Variants in LAMA1 observed in about 807,000 individuals in gnomAD.
LAMA1 encodes the protein laminin subunit alpha-1.
In LAMA1, 219 loss-of-function variants were observed where a neutral mutation model predicts 348.7. The observed-to-expected ratio is 0.63, with a 90% CI of 0.56 to 0.70. The LOEUF (loss-of-function observed/expected upper bound fraction) is 0.70. LAMA1 is among the 30% of genes least tolerant of loss of function. LAMA1 has a pLI of 0.00. For missense variants in LAMA1, 3,744 were observed against 3,888.0 expected (o/e 0.96, Z 0.99); for synonymous variants, 1,487 against 1,491.0 (o/e 1.00, Z 0.06).
chr18:7,093,485 C>G (rs2058248133), intron 1 of LAMA1, among the ~76,000 whole-genome samples: 1 of 151,978 alleles, frequency 6.6e-6, no homozygotes, highest in Non-Finnish European at 1.5e-5. Context: ...AAAATAAAAC[C>G]AGAGTAAGTT....
chr18:6,951,408 C>T (rs529961586), intron 57 of LAMA1, among the ~76,000 whole-genome samples: 67 of 152,308 alleles, frequency 4.4e-4, no homozygotes, highest in Non-Finnish European at 8.4e-4. Context: ...CACCTGAGGC[C>T]GTGGGGGAAC....
chr18:7,098,655 G>A (rs1359139180), intron 1 of LAMA1, among the ~76,000 whole-genome samples: 2 of 149,600 alleles, frequency 1.3e-5, no homozygotes, highest in Non-Finnish European at 3.0e-5. Flanking sequence ...CCGACCGGCA[G>A]CCACCCAGTC....
At chr18:7,063,552 T>G (rs1598302439) in intron 3 of LAMA1, among the ~76,000 whole-genome samples, 1 of 152,090 alleles carries the variant, frequency 6.6e-6, no homozygotes, top group African/African-American at 2.4e-5. Context: ...TGTACACCAA[T>G]GTTCACAGCA....
chr18:7,082,570 A>C (rs2058197361), intron 1 of LAMA1, among the ~76,000 whole-genome samples: 1 of 152,246 alleles, frequency 6.6e-6, no homozygotes, highest in South Asian at 2.1e-4. Flanking sequence ...TATTCTATTT[A>C]GTACTAAGAT....
In LAMA1 at chr18:7,078,328, A is replaced by G. The variant is rs544543416; in HGVS notation, c.345+1647T>C. ...ACTACAGGCGCCTGCCACCACGCCC[A>G]GCTAATTTTTTGTATTTTTAGTAAA... On this transcript the variant is annotated intron_variant, in intron 3 of 62. Transcript: ENST00000389658. Among the ~76,000 whole-genome samples the G allele has an allele frequency of 6.0e-5, 9 of 150,568 alleles. No homozygotes were observed. In the East Asian group the frequency reaches 1.0e-3, roughly 17 times the overall value.
chr18:6,948,289 T>C (rs1454633406), intron 60 of LAMA1, 114 bp downstream of exon 60: 38 of 1,373,118 alleles, frequency 2.8e-5, no homozygotes, highest in Non-Finnish European at 3.6e-5. Flanking sequence ...CTAAACTCAA[T>C]GTGGTTTTCC....
At chr18:7,005,278 AG>A (rs1478967221) in intron 29 of LAMA1, among the ~76,000 whole-genome samples, 1 of 152,232 alleles carries the variant, frequency 6.6e-6, no homozygotes, top group African/African-American at 2.4e-5. Context: ...TTATCTCAAC[AG>A]CTCCAAAGAA....
chr18:6,986,551 T>C (rs2057736394), intron 36 of LAMA1, among the ~76,000 whole-genome samples: 1 of 44,716 alleles, frequency 2.2e-5, no homozygotes, highest in Non-Finnish European at 4.0e-5. Context: ...CTTAACAAAT[T>C]GTCTTTTTTT....
intron 1 of LAMA1, among the ~76,000 whole-genome samples, chr18:7,091,788 T>C (rs1438852330): frequency 6.6e-6 from 1 of 152,202 alleles, no homozygotes; most frequent in Non-Finnish European, 1.5e-5. Flanking sequence ...TGACTGGTCC[T>C]GCATGTGCCT....
intron 1 of LAMA1, among the ~76,000 whole-genome samples, chr18:7,098,882 G>C (rs868197280): frequency 7.8e-6 from 1 of 127,562 alleles, no homozygotes; most frequent in Non-Finnish European, 1.7e-5. Context: ...CGCCCCGTCC[G>C]GGAGGTGAGG....
At position 7,038,995 on chromosome 18, in the gene LAMA1, G is replaced by A. The variant is rs770134504; in HGVS notation, c.1423-45C>T. The A allele has an allele frequency of 3.3e-6, 5 of 1,507,144 alleles. No individual in the cohort carries two copies. In the East Asian group the frequency reaches 9.0e-5, roughly 27 times the overall value. 93.4% of individuals were successfully genotyped at this position (1,507,144 alleles called of 1,614,324 possible). ...ATTAGCTTTTGAAACCAATGTGTCT[G>A]TCCAGAGAGAATAAAATGACATTAA... is the stretch of plus-strand genomic sequence containing the variant. On this transcript the variant is annotated intron_variant, in intron 10 of 62. Transcript: ENST00000389658.
At chr18:7,060,048 C>T (rs765130455) in intron 3 of LAMA1, among the ~76,000 whole-genome samples, 6 of 152,202 alleles carry the variant, frequency 3.9e-5, no homozygotes, top group Non-Finnish European at 8.8e-5. Flanking sequence ...TGGCTCACTT[C>T]CAGTTTTATA....
At position 6,964,728 on chromosome 18, in the gene LAMA1, G is replaced by C; in HGVS notation, c.7271C>G (p.Ser2424Cys). ...GTCCTTGTCTAGGCGGTTGAGGTCAGAAGATGCTCCCGGAGTCTCGCCCTG... is the reference window on the plus strand; with the variant it reads ...GTCCTTGTCTAGGCGGTTGAGGTCACAAGATGCTCCCGGAGTCTCGCCCTG... ...TKQGETPGAS[S>C]DLNRLDKDPI... is the part of the protein sequence containing the mutation. Residue 2424 changes from serine to cysteine, a missense_variant, in exon 51 of 63, where the codon TCT becomes TGT. This residue lies in a region of LAMA1 where 1,983 missense variants were observed against 1,934.3 expected (regional missense o/e 1.03). Coordinates refer to ENST00000389658, the MANE Select transcript of LAMA1 (RefSeq NM_005559.4). 6.2e-7 allele frequency: 1 copy of C among 1,614,178 alleles called. No individual in the cohort carries two copies. The highest frequency in any genetic ancestry group is 8.5e-7 in the Non-Finnish European group (1 of 1,180,032).
At chr18:7,006,365 A>T (rs1212917966) in intron 29 of LAMA1, among the ~76,000 whole-genome samples, 1 of 150,874 alleles carries the variant, frequency 6.6e-6, no homozygotes, top group Non-Finnish European at 1.5e-5. Context: ...TCCCCTAGAG[A>T]ATATGCATTT....
rs1447036897 is a variant in LAMA1, at chr18:7,040,246, C to T, written c.1262-10G>A. The T allele has an allele frequency of 6.2e-7, 1 of 1,613,878 alleles. No individual in the cohort carries two copies. Among genetic ancestry groups the T allele is most frequent in the Non-Finnish European group, 8.5e-7 (1 of 1,180,010 alleles). ...TGACCTGGCTGCTTCCCTAGAAAGA[C>T]AACAATGGCAATGACCCAACATGAA... On this transcript the variant is annotated splice_polypyrimidine_tract_variant and intron_variant, in intron 9 of 62. Transcript: ENST00000389658.
chr18:7,045,079 ACT>A (rs1491289352), intron 6 of LAMA1, among the ~76,000 whole-genome samples: 1 of 150,016 alleles, frequency 6.7e-6, no homozygotes, highest in Non-Finnish European at 1.5e-5. Flanking sequence ...GCTAATAAAA[ACT>A]TTTTTTAAAA....
intron 36 of LAMA1, among the ~76,000 whole-genome samples, chr18:6,987,038 CG>C (rs1473930980): frequency 9.2e-5 from 14 of 152,274 alleles, no homozygotes; most frequent in African/African-American, 3.4e-4. Flanking sequence ...GGATTACAGG[CG>C]TAAGCCACTG....
chr18:7,080,025 G>A lies in LAMA1; in HGVS notation c.295C>T (p.Gln99Ter), dbSNP rs1178073729. ...TNNWWQSPSIQNGREYHWVTI... is the reference protein window; with the variant it reads ...TNNWWQSPSI ...ACCCAGTGATATTCTCTCCCATTCTGAATGCTGGGACTTTGCCACCAGTTA... is the reference window on the plus strand; with the variant it reads ...ACCCAGTGATATTCTCTCCCATTCTAAATGCTGGGACTTTGCCACCAGTTA... The change falls in exon 3 of 63, where the codon CAG becomes TAG. Residue 99 changes from glutamine to a stop codon, truncating the protein, a stop_gained. Transcript: ENST00000389658. LOFTEE classifies it high-confidence loss of function. 9.3e-6 allele frequency: 15 copies of A among 1,614,148 alleles called. No homozygotes were observed. Among genetic ancestry groups the A allele is most frequent in the Non-Finnish European group, 1.3e-5 (15 of 1,179,978 alleles).
intron 3 of LAMA1, among the ~76,000 whole-genome samples, chr18:7,055,486 C>G (rs1382553123): frequency 6.7e-6 from 1 of 149,952 alleles, no homozygotes; most frequent in Non-Finnish European, 1.5e-5. Context: ...AATTTACCCA[C>G]GTACACACAC....
Sources: gnomAD v4.1 joint callset for allele counts (sites outside exome capture counted in the v4.1 genomes callset) on GRCh38, gnomAD v4.1.1 for gene constraint, gnomAD v4.1.1 regional missense constraint, MANE v1.5 for transcripts, NCBI Gene and HGNC (gene_info 2026-07-23, HGNC 2026-07-21) for gene names.